LRP1B: variants seen among roughly 807,000 people sequenced by gnomAD.
The protein encoded by LRP1B is low-density lipoprotein receptor-related protein 1B.
Under a neutral mutation model 556.6 loss-of-function variants are expected in LRP1B, and 217 were observed. The observed-to-expected ratio is 0.39, with a 90% CI of 0.35 to 0.44. The LOEUF (loss-of-function observed/expected upper bound fraction) is 0.44. Ranked by LOEUF, LRP1B falls within the 20% of genes least tolerant of loss-of-function variation. The pLI is 1.00. For missense variants in LRP1B, 5,053 were observed against 5,620.8 expected (o/e 0.90, Z 3.23); for synonymous variants, 2,047 against 1,865.8 (o/e 1.10, Z -2.50).
intron 66 of LRP1B, among the ~76,000 whole-genome samples, chr2:140,404,845 A>G (rs1216566792): frequency 6.6e-6 from 1 of 152,180 alleles, no homozygotes; most frequent in Admixed American, 6.5e-5. Flanking sequence ...CAAAGAAACA[A>G]TGGACTTAAA....
chr2:141,153,321 T>C (rs1311557955), intron 7 of LRP1B, among the ~76,000 whole-genome samples: 1 of 113,502 alleles, frequency 8.8e-6, no homozygotes, highest in Non-Finnish European at 1.7e-5. Context: ...ATATTAGCTA[T>C]ATATATTTAT....
chr2:142,065,354 C>T (rs940012125), intron 1 of LRP1B, among the ~76,000 whole-genome samples: 1 of 151,134 alleles, frequency 6.6e-6, no homozygotes, highest in African/African-American at 2.4e-5. Context: ...AAGATCCCCC[C>T]TTTCCTTTGT....
At chr2:141,416,794 T>C (rs1691125380) in intron 3 of LRP1B, among the ~76,000 whole-genome samples, 1 of 152,174 alleles carries the variant, frequency 6.6e-6, no homozygotes, top group Non-Finnish European at 1.5e-5. Flanking sequence ...TGTGGAATCT[T>C]TGGGGCAAGG....
intron 5 of LRP1B, among the ~76,000 whole-genome samples, chr2:141,241,961 G>A (rs1047294176): frequency 1.3e-5 from 2 of 151,606 alleles, no homozygotes; most frequent in African/African-American, 4.9e-5. Context: ...AACCCTAAAT[G>A]GTGAATCTTC....
At chr2:141,788,215 G>T (rs1234820965) in intron 2 of LRP1B, among the ~76,000 whole-genome samples, 1 of 151,960 alleles carries the variant, frequency 6.6e-6, no homozygotes, top group South Asian at 2.1e-4. Context: ...CCTAGGATTT[G>T]AGCTACACAC....
intron 35 of LRP1B, among the ~76,000 whole-genome samples, chr2:140,745,928 T>A (rs1385565253): frequency 6.6e-6 from 1 of 152,170 alleles, no homozygotes; most frequent in Non-Finnish European, 1.5e-5. Flanking sequence ...GGAAAGAGCA[T>A]AGAATTTAAG....
chr2:141,207,879 T>G (rs1309544508), intron 6 of LRP1B, among the ~76,000 whole-genome samples: 1 of 152,230 alleles, frequency 6.6e-6, no homozygotes, highest in African/African-American at 2.4e-5. Flanking sequence ...TTTTACCATT[T>G]TGACCAGGCT....
In LRP1B at chr2:140,236,209, C is replaced by T. The variant is rs1414950112; in HGVS notation, c.13561-1325G>A. Among the ~76,000 whole-genome samples the T allele has an allele frequency of 4.6e-5, 7 of 150,964 alleles. No homozygotes were observed. In the South Asian group the frequency reaches 1.5e-3, roughly 31 times the overall value. ...GAGCATCAATTTTAGGCTTAGAAAG[C>T]CTAATCATGGGTTCAGAACTAGACT... On this transcript the variant is annotated intron_variant, in intron 89 of 90. Coordinates refer to ENST00000389484, the MANE Select transcript of LRP1B (RefSeq NM_018557.3).
intron 1 of LRP1B, among the ~76,000 whole-genome samples, chr2:141,813,372 T>C (rs1182720297): frequency 1.3e-5 from 2 of 152,030 alleles, no homozygotes; most frequent in African/African-American, 4.8e-5. Flanking sequence ...TCACAGAGAA[T>C]ATGACATTTG....
chr2:141,514,694 A>G (rs1684249855), intron 2 of LRP1B, among the ~76,000 whole-genome samples: 2 of 152,162 alleles, frequency 1.3e-5, no homozygotes, highest in South Asian at 4.1e-4. Flanking sequence ...CACCTAACCT[A>G]CTGAACAGCA....
chr2:140,899,092 AT>A, intron 23 of LRP1B: 1 of 237,148 alleles, frequency 4.2e-6, no homozygotes, highest in South Asian at 5.8e-5. Flanking sequence ...GGAGAGGTTC[AT>A]GGCCACCAAG....
At chr2:141,800,194 GCAT>G (rs1289573892) in intron 2 of LRP1B, among the ~76,000 whole-genome samples, 11 of 152,086 alleles carry the variant, frequency 7.2e-5, no homozygotes, top group African/African-American at 2.4e-4. Context: ...AGGTTGTATG[GCAT>G]CATGGAAAGC....
rs545579008 is a variant in LRP1B at position 140,660,603 on chromosome 2, T to C, written c.6799+39647A>G. Among the ~76,000 whole-genome samples, 7 of 152,260 alleles carry C rather than the reference T, an allele frequency of 4.6e-5. No individual in the cohort carries two copies. In the South Asian group the frequency reaches 1.4e-3, roughly 32 times the overall value. On this transcript the variant is annotated intron_variant, in intron 41 of 90. Transcript: ENST00000389484. Reference sequence around the variant, plus strand: ...GACCAGGACTTTCCTGAGTCTCATGTGCAACTTTCATCTTGAAACAAAGTT... The same window carrying C: ...GACCAGGACTTTCCTGAGTCTCATGCGCAACTTTCATCTTGAAACAAAGTT...
intron 47 of LRP1B, among the ~76,000 whole-genome samples, chr2:140,531,015 C>T (rs1441339183): frequency 6.6e-6 from 1 of 152,060 alleles, no homozygotes. Context: ...ACTGCTTCAA[C>T]CAGCCACATA....
At chr2:141,578,574 C>A (rs1267731454) in intron 2 of LRP1B, among the ~76,000 whole-genome samples, 1 of 151,980 alleles carries the variant, frequency 6.6e-6, no homozygotes, top group East Asian at 1.9e-4. Flanking sequence ...GTGAGTTCAT[C>A]AATGAAATAT....
intron 2 of LRP1B, among the ~76,000 whole-genome samples, chr2:141,616,035 G>T (rs1688285477): frequency 6.6e-6 from 1 of 152,184 alleles, no homozygotes; most frequent in Non-Finnish European, 1.5e-5. Context: ...TGTAATCCCA[G>T]CACTTTGGGA....
intron 2 of LRP1B, among the ~76,000 whole-genome samples, chr2:141,609,819 C>T (rs1688041681): frequency 6.6e-6 from 1 of 152,170 alleles, no homozygotes; most frequent in African/African-American, 2.4e-5. Context: ...TCCTCTCTGC[C>T]TGCTTTTATT....
rs1368356943 is a variant in LRP1B at position 141,865,099 on chromosome 2, G to A, written c.83-54698C>T. Among the ~76,000 whole-genome samples, 4 of 152,042 alleles carry A rather than the reference G, an allele frequency of 2.6e-5. No homozygotes were observed. In the East Asian group the frequency reaches 7.7e-4, roughly 29 times the overall value. On this transcript the variant is annotated intron_variant, in intron 1 of 90. Coordinates refer to ENST00000389484, the MANE Select transcript of LRP1B (RefSeq NM_018557.3). ...GCTACCCTTCCACCAGAGTAAATAA[G>A]CTGAAGAAACCCTAGCAAAAGAAGC... is the stretch of plus-strand genomic sequence containing the variant.
chr2:141,664,140 C>A (rs1039936331), intron 2 of LRP1B, among the ~76,000 whole-genome samples: 22 of 152,128 alleles, frequency 1.4e-4, no homozygotes, highest in Middle Eastern at 3.2e-3. Context: ...ACTAAAACCA[C>A]GTAATTATCT....
Sources: allele counts gnomAD v4.1 joint callset (sites outside exome capture counted in the v4.1 genomes callset), GRCh38; gene constraint gnomAD v4.1.1; transcripts MANE v1.5; gene names NCBI Gene and HGNC (gene_info 2026-07-23, HGNC 2026-07-21).